Variants in TRIO observed in about 807,000 individuals in gnomAD.
The protein encoded by TRIO is trio Rho guanine nucleotide exchange factor.
Under a neutral mutation model 351.9 loss-of-function variants are expected in TRIO, and 58 were observed. The ratio of observed to expected loss-of-function variants is 0.16; its 90% confidence interval spans 0.13 to 0.21. The LOEUF is 0.21. TRIO is among the 10% of genes least tolerant of loss of function. TRIO has a pLI of 1.00. For synonymous variants in TRIO, 1,758 were observed against 1,595.7 expected (o/e 1.10, Z -2.42); for missense variants, 3,201 against 4,027.8 (o/e 0.79, Z 5.56).
At chr5:14,345,622 G>A (rs1742352896) in intron 11 of TRIO, among the ~76,000 whole-genome samples, 1 of 152,186 alleles carries the variant, frequency 6.6e-6, no homozygotes, top group Admixed American at 6.5e-5. Context: ...GTGCAGTGGT[G>A]TGATCTTGGC....
chr5:14,378,062 A>G lies in TRIO; in HGVS notation c.3382A>G (p.Thr1128Ala), dbSNP rs1745727900. 1 of 1,613,616 alleles carries G rather than the reference A, an allele frequency of 6.2e-7. No individual in the cohort carries two copies. The highest frequency in any genetic ancestry group is 8.5e-7 in the Non-Finnish European group (1 of 1,179,910). Residue 1128 changes from threonine (T) to alanine (A), a missense_variant, in exon 20 of 57, where the codon ACC becomes GCC. Coordinates refer to ENST00000344204, the MANE Select transcript of TRIO (RefSeq NM_007118.4). ...GGAGAACAGGGTATTGCATTACTGG[A>G]CCATGAGGAAGAGACGGCTGGACCA... ...QRENRVLHYWTMRKRRLDQCQ... is the reference protein window; with the variant it reads ...QRENRVLHYWAMRKRRLDQCQ...
intron 46 of TRIO, among the ~76,000 whole-genome samples, chr5:14,483,291 C>G (rs1383085962): frequency 6.6e-6 from 1 of 152,142 alleles, no homozygotes; most frequent in Non-Finnish European, 1.5e-5. Flanking sequence ...GCCAATGGCC[C>G]TCAAGTCTGT....
At chr5:14,329,515 G>C (rs1740710731) in intron 9 of TRIO, among the ~76,000 whole-genome samples, 1 of 152,164 alleles carries the variant, frequency 6.6e-6, no homozygotes, top group Non-Finnish European at 1.5e-5. Flanking sequence ...CTGGCTCCTT[G>C]ATCTGGGACT....
At chr5:14,458,500 TTTGTACCTCGCCTA>T (rs755798210) in intron 34 of TRIO, among the ~76,000 whole-genome samples, 6 of 152,182 alleles carry the variant, frequency 3.9e-5, no homozygotes, top group Non-Finnish European at 7.3e-5. Context: ...CCTAACAGGG[TTTGTACCTCGCCTA>T]TAGTACAGGA....
Position 14,498,514 on chromosome 5 carries a change from C to T in TRIO, c.8211-5C>T, listed in dbSNP as rs200548316. 1.4e-4 allele frequency: 220 copies of T among 1,613,696 alleles called. 1 individual carries two copies. The African/African-American group carries it at 2.5e-3, about 18-fold the overall frequency. On this transcript the variant is annotated splice_region_variant and splice_polypyrimidine_tract_variant and intron_variant, in intron 52 of 56. Coordinates refer to ENST00000344204, the MANE Select transcript of TRIO (RefSeq NM_007118.4). ...ATGCGCAGTGTGTTCCCATCTGTGC[C>T]GCAGTGACCTGGGAGAGGCCACGCT... is the stretch of plus-strand genomic sequence containing the variant.
chr5:14,374,767 G>A (rs994841122), intron 19 of TRIO, among the ~76,000 whole-genome samples: 9 of 151,898 alleles, frequency 5.9e-5, no homozygotes, highest in Non-Finnish European at 1.0e-4. Flanking sequence ...TATACCTAAG[G>A]CATAGTTAAT....
Position 14,504,532 on chromosome 5 carries a change from C to T in TRIO, c.8551C>T (p.Leu2851=). Reference sequence around the variant, plus strand: ...CATCCTGCAGAGCCTCCAGCACCCCCTGCTTGTCGGCCTCCTCGACACCTT... The same window carrying T: ...CATCCTGCAGAGCCTCCAGCACCCCTTGCTTGTCGGCCTCCTCGACACCTT... The part of the protein sequence containing the change: ...LGILQSLQHP[L]LVGLLDTFET... The change falls in exon 55 of 57, where the codon CTG becomes TTG. Residue 2851 remains leucine, a synonymous_variant. Transcript: ENST00000344204. 3 of 1,614,168 alleles carry T rather than the reference C, an allele frequency of 1.9e-6. No homozygotes were observed. The highest frequency in any genetic ancestry group is 2.5e-6 in the Non-Finnish European group (3 of 1,180,034).
At position 14,503,898 on chromosome 5, in the gene TRIO, C is replaced by G. The variant is rs73749288; in HGVS notation, c.8412-495C>G. On this transcript the variant is annotated intron_variant, in intron 54 of 56. Transcript: ENST00000344204. Reference sequence around the variant, plus strand: ...GATCGCGTTGAGTTGTGGCCAGTCCCCAGGAGTGGGTCATCAGGGGCAGCT... The same window carrying G: ...GATCGCGTTGAGTTGTGGCCAGTCCGCAGGAGTGGGTCATCAGGGGCAGCT... Among the ~76,000 whole-genome samples, 655 of 152,342 alleles carry G rather than the reference C, an allele frequency of 4.3e-3. 10 individuals are homozygous for G. Among genetic ancestry groups the G allele is most frequent in the African/African-American group, 0.015 (638 of 41,578 alleles).
At chr5:14,398,848 A>G (rs1364714902) in intron 29 of TRIO, 32 bp from the exon 30 acceptor site, 2 of 1,562,338 alleles carry the variant, frequency 1.3e-6, no homozygotes, top group Non-Finnish European at 1.7e-6. Context: ...TTTTCTTTTA[A>G]ATTGATTTGC....
At chr5:14,291,283 G>A in intron 5 of TRIO, 55 bp downstream of exon 5, 2 of 1,559,090 alleles carry the variant, frequency 1.3e-6, no homozygotes, top group Non-Finnish European at 1.7e-6. Context: ...CAGCGCTGGT[G>A]GGTTCGGGTG....
At chr5:14,277,017 T>A (rs1454931935) in intron 2 of TRIO, among the ~76,000 whole-genome samples, 3 of 152,260 alleles carry the variant, frequency 2.0e-5, no homozygotes, top group Non-Finnish European at 4.4e-5. Context: ...CAGGCATTGC[T>A]GCTAACTGAT....
At chr5:14,343,421 T>G (rs962066735) in intron 11 of TRIO, among the ~76,000 whole-genome samples, 5 of 152,226 alleles carry the variant, frequency 3.3e-5, no homozygotes, top group Non-Finnish European at 5.9e-5. Flanking sequence ...CCCTGCTCCA[T>G]CTCTAACCCC....
intron 36 of TRIO, 25 bp from the exon 37 acceptor site, chr5:14,465,520 C>A: frequency 1.2e-6 from 2 of 1,613,266 alleles, no homozygotes; most frequent in South Asian, 1.1e-5. Flanking sequence ...GCCCCACCCC[C>A]TCCTTTTCTT....
intron 1 of TRIO, among the ~76,000 whole-genome samples, chr5:14,159,632 G>C (rs1013377095): frequency 1.3e-5 from 2 of 150,418 alleles, no homozygotes; most frequent in African/African-American, 2.4e-5. Flanking sequence ...GCAGTGGCAC[G>C]ACCTCGGCTC....
At chr5:14,344,766 C>T (rs1338266403) in intron 11 of TRIO, among the ~76,000 whole-genome samples, 2 of 152,182 alleles carry the variant, frequency 1.3e-5, no homozygotes, top group East Asian at 3.8e-4. Flanking sequence ...CGAGTAATAA[C>T]CTCACTCTGA....
intron 28 of TRIO, among the ~76,000 whole-genome samples, chr5:14,396,415 T>TACATAATA (rs1237272960): frequency 6.8e-6 from 1 of 146,364 alleles, no homozygotes; most frequent in Non-Finnish European, 1.5e-5. Flanking sequence ...GATGGTGTGT[T>TACATAATA]ACATAATAAT....
intron 48 of TRIO, among the ~76,000 whole-genome samples, chr5:14,491,656 C>CT (rs1489666782): frequency 2.6e-5 from 4 of 152,222 alleles, no homozygotes; most frequent in African/African-American, 9.6e-5. Flanking sequence ...TAAGAAATCT[C>CT]TGTCTTGCTG....
At chr5:14,210,584 C>T (rs1196271726) in intron 1 of TRIO, among the ~76,000 whole-genome samples, 1 of 136,438 alleles carries the variant, frequency 7.3e-6, no homozygotes, top group African/African-American at 2.4e-5. Flanking sequence ...CCTTTCAAAC[C>T]ACTTTTGAAA....
At chr5:14,472,463 C>T (rs1465357104) in intron 38 of TRIO, 129 bp from the exon 39 acceptor site, 11 of 973,940 alleles carry the variant, frequency 1.1e-5, no homozygotes, top group African/African-American at 6.6e-5. Flanking sequence ...CAGAATTTAA[C>T]ACCTAAATGT....
Sources: allele counts gnomAD v4.1 joint callset (sites outside exome capture counted in the v4.1 genomes callset), GRCh38; gene constraint gnomAD v4.1.1; transcripts MANE v1.5; gene names NCBI Gene and HGNC (gene_info 2026-07-23, HGNC 2026-07-21).